Variants in GRM8 observed in about 807,000 individuals in gnomAD.
GRM8 encodes the protein metabotropic glutamate receptor 8.
Under a neutral mutation model 87.2 loss-of-function variants are expected in GRM8, and 47 were observed. The observed-to-expected ratio is 0.54, with a 90% CI of 0.43 to 0.69. The LOEUF (loss-of-function observed/expected upper bound fraction) is 0.69. Among genes scored for constraint, GRM8 ranks in the 30% least tolerant of loss-of-function variants. GRM8 has a pLI of 0.00. For missense variants in GRM8, 1,019 were observed against 1,139.2 expected (o/e 0.89, Z 1.52); for synonymous variants, 396 against 404.5 (o/e 0.98, Z 0.25).
intron 3 of GRM8, among the ~76,000 whole-genome samples, chr7:127,007,018 T>A (rs906760735): frequency 6.6e-6 from 1 of 151,942 alleles, no homozygotes; most frequent in African/African-American, 2.4e-5. Flanking sequence ...TGAAGTCGAG[T>A]AGACACTGGG....
rs188719764 is a variant in GRM8, at chr7:126,998,002, G to A, written c.728-93319C>T. Among the ~76,000 whole-genome samples the A allele has an allele frequency of 4.2e-3, 644 of 151,932 alleles. 1 individual carries two copies. Among genetic ancestry groups the A allele is most frequent in the Middle Eastern group, 0.01 (3 of 294 alleles). On this transcript the variant is annotated intron_variant, in intron 3 of 10. Coordinates refer to ENST00000339582, the MANE Select transcript of GRM8 (RefSeq NM_000845.3). ...AAGAAAACTATAGGCCAATATCCCCGACGAATGTTGATAGAAAAATCCTCA... is the reference window on the plus strand; with the variant it reads ...AAGAAAACTATAGGCCAATATCCCCAACGAATGTTGATAGAAAAATCCTCA...
chr7:127,028,654 G>A (rs1817047298), intron 3 of GRM8, among the ~76,000 whole-genome samples: 1 of 152,116 alleles, frequency 6.6e-6, no homozygotes, highest in Non-Finnish European at 1.5e-5. Flanking sequence ...ATGATAGTTT[G>A]TATTTCTGTG....
At chr7:126,483,153 C>A (rs1158619054) in intron 9 of GRM8, among the ~76,000 whole-genome samples, 2 of 147,340 alleles carry the variant, frequency 1.4e-5, no homozygotes, top group African/African-American at 2.5e-5. Context: ...AAATAAAATC[C>A]TTCCTTCCTT....
At chr7:126,992,005 A>G (rs1178184481) in intron 3 of GRM8, among the ~76,000 whole-genome samples, 1 of 152,208 alleles carries the variant, frequency 6.6e-6, no homozygotes, top group Non-Finnish European at 1.5e-5. Context: ...TGCAGCAGCT[A>G]AATATATAAA....
intron 2 of GRM8, among the ~76,000 whole-genome samples, chr7:127,159,793 ACT>A (rs1792986336): frequency 6.6e-6 from 1 of 152,164 alleles, no homozygotes. Context: ...AAAGACAAAG[ACT>A]TGGTTTTTAT....
chr7:126,452,729 A>G (rs937271643), intron 9 of GRM8, among the ~76,000 whole-genome samples: 1 of 151,772 alleles, frequency 6.6e-6, no homozygotes, highest in Non-Finnish European at 1.5e-5. Context: ...TTTGCTCTCC[A>G]TCAGCAATGA....
rs1460530546 is a variant in GRM8, at chr7:126,910,251, A to G, written c.728-5568T>C. Among the ~76,000 whole-genome samples the G allele has an allele frequency of 2.6e-5, 4 of 152,160 alleles. No homozygotes were observed. In the South Asian group the frequency reaches 8.3e-4, roughly 32 times the overall value. On this transcript the variant is annotated intron_variant, in intron 3 of 10. Transcript: ENST00000339582. Reference sequence around the variant, plus strand: ...TTGTCTTCCACTTCTTTCATACTGCAGCAATCATAATAATTTTAATTTTAC... The same window carrying G: ...TTGTCTTCCACTTCTTTCATACTGCGGCAATCATAATAATTTTAATTTTAC...
In GRM8 at chr7:126,813,714, T is replaced by C. The variant is rs981214196; in HGVS notation, c.1157-43649A>G. Among the ~76,000 whole-genome samples, 8 of 152,192 alleles carry C rather than the reference T, an allele frequency of 5.3e-5. No homozygotes were observed. The Middle Eastern group carries it at 0.01, about 194-fold the overall frequency. ...GGTTTTGTCCAATTTCCATTCTCCATGAAACTTGTATGCCTATTTTCAGGA... is the reference window on the plus strand; with the variant it reads ...GGTTTTGTCCAATTTCCATTCTCCACGAAACTTGTATGCCTATTTTCAGGA... On this transcript the variant is annotated intron_variant, in intron 6 of 10. Transcript: ENST00000339582.
chr7:126,662,895 A>G (rs1004497297), intron 7 of GRM8, among the ~76,000 whole-genome samples: 3 of 152,234 alleles, frequency 2.0e-5, no homozygotes, highest in Admixed American at 1.3e-4. Context: ...TGTCAATTAA[A>G]GAATGTTGGT....
intron 9 of GRM8, among the ~76,000 whole-genome samples, chr7:126,454,752 C>G (rs1413620798): frequency 6.6e-6 from 1 of 151,590 alleles, no homozygotes. Context: ...ACAAGACACA[C>G]AGAAGGAAAA....
At chr7:126,829,412 A>G (rs1269827405) in intron 6 of GRM8, among the ~76,000 whole-genome samples, 4 of 129,978 alleles carry the variant, frequency 3.1e-5, no homozygotes, top group East Asian at 2.2e-4. Context: ...TATATTTAGG[A>G]TAGTTAGCTC....
At chr7:126,597,013 A>G (rs1237314171) in intron 8 of GRM8, among the ~76,000 whole-genome samples, 1 of 152,160 alleles carries the variant, frequency 6.6e-6, no homozygotes, top group Admixed American at 6.6e-5. Flanking sequence ...TCCTTGTTGT[A>G]TATTTCATCA....
At chr7:127,116,911 G>A (rs2299536) in intron 2 of GRM8, among the ~76,000 whole-genome samples, 37,361 of 152,094 alleles carry the variant, frequency 0.25, 5,458 homozygotes, top group Non-Finnish European at 0.34. Context: ...GGACTATCAA[G>A]AAAATGCTAC....
chr7:127,004,613 A>G (rs1814080117), intron 3 of GRM8, among the ~76,000 whole-genome samples: 1 of 151,620 alleles, frequency 6.6e-6, no homozygotes, highest in Non-Finnish European at 1.5e-5. Flanking sequence ...ATCTGTAAGA[A>G]AGTGCTTTAG....
intron 7 of GRM8, among the ~76,000 whole-genome samples, chr7:126,664,329 A>C (rs777041915): frequency 1.5e-4 from 23 of 152,176 alleles, no homozygotes; most frequent in Non-Finnish European, 3.2e-4. Flanking sequence ...AAATACTCAA[A>C]GCAATACTAA....
intron 3 of GRM8, among the ~76,000 whole-genome samples, chr7:126,977,807 A>T (rs944411611): frequency 6.6e-6 from 1 of 152,224 alleles, no homozygotes; most frequent in African/African-American, 2.4e-5. Flanking sequence ...AGCGGACATC[A>T]TAAAATTTGT....
At chr7:127,080,171 G>A (rs1262552439) in intron 3 of GRM8, among the ~76,000 whole-genome samples, 1 of 152,130 alleles carries the variant, frequency 6.6e-6, no homozygotes, top group Non-Finnish European at 1.5e-5. Context: ...AGGCAGAGGA[G>A]TCATAAATGA....
intron 2 of GRM8, among the ~76,000 whole-genome samples, chr7:127,132,978 GA>G (rs1827768088): frequency 6.6e-6 from 1 of 152,208 alleles, no homozygotes; most frequent in African/African-American, 2.4e-5. Flanking sequence ...TTAAAAAGCA[GA>G]TAACAAGCTG....
At chr7:127,203,393 C>T (rs1221215233) in intron 2 of GRM8, among the ~76,000 whole-genome samples, 4 of 152,116 alleles carry the variant, frequency 2.6e-5, no homozygotes, top group Non-Finnish European at 4.4e-5. Context: ...TTGTAACAAG[C>T]TTGCACATAC....
Sources: allele counts gnomAD v4.1 joint callset (sites outside exome capture counted in the v4.1 genomes callset), GRCh38; gene constraint gnomAD v4.1.1; transcripts MANE v1.5; gene names NCBI Gene and HGNC (gene_info 2026-07-23, HGNC 2026-07-21).